ANKRD18B: variants seen among roughly 807,000 people sequenced by gnomAD.
ANKRD18B encodes ankyrin repeat domain-containing protein 18B.
ANKRD18B carries 75 observed loss-of-function variants against 111.8 expected under a neutral mutation model. That is an observed-to-expected ratio of 0.67 (90% CI 0.56 to 0.81). The LOEUF is 0.81. Among genes scored for constraint, ANKRD18B ranks in the 40% least tolerant of loss-of-function variants. ANKRD18B has a pLI of 0.00. For missense variants in ANKRD18B, 1,038 were observed against 1,225.5 expected, an observed-to-expected ratio of 0.85 and a Z score of 2.28; for synonymous variants, 356 against 417.3, an observed-to-expected ratio of 0.85 and a Z score of 1.79.
rs762044641 is a variant in ANKRD18B at position 33,566,309 on chromosome 9, T to C, written c.2551T>C (p.Ser851Pro). The C allele has an allele frequency of 1.3e-6, 2 of 1,562,460 alleles. No individual in the cohort carries two copies. The highest frequency in any genetic ancestry group is 1.9e-5 in the Admixed American group (1 of 53,130). Reference sequence around the variant, plus strand: ...TGAAGTTCTTCATCAGGAGTTATTATCTATGGGAAAAGTACAAGAGAAATG... The same window carrying C: ...TGAAGTTCTTCATCAGGAGTTATTACCTATGGGAAAAGTACAAGAGAAATG... ...DNEVLHQELL[S>P]MGKVQEKCEK... is the part of the protein sequence containing the mutation. Residue 851 changes from serine (S) to proline (P), a missense_variant, in exon 15 of 19, where the codon TCT becomes CCT. Physicochemically the swap from Ser to Pro is moderately conservative, Grantham distance 74. Around this residue, in one of 4 missense-constraint regions of ANKRD18B, gnomAD observed 524 missense variants for 677.9 expected, o/e 0.77. Transcript: ENST00000684830.
chr9:33,541,180 A>G lies in ANKRD18B; in HGVS notation c.1031A>G (p.Lys344Arg). The G allele has an allele frequency of 1.1e-5, 17 of 1,544,608 alleles. No homozygotes were observed. The highest frequency in any genetic ancestry group is 1.5e-5 in the Non-Finnish European group (17 of 1,144,824). The change falls in exon 9 of 19, where the codon AAA (lysine) becomes AGA (arginine). Residue 344 changes from lysine to arginine, a missense_variant. This residue lies in a region of ANKRD18B where 205 missense variants were observed against 201.3 expected (regional missense o/e 1.02). Coordinates refer to ENST00000684830, the MANE Select transcript of ANKRD18B (RefSeq NM_001393611.1). ...TAAMKPENLK[K>R]RKKRKKLKKR... ...GCTATGAAGCCTGAAAATTTGAAAA[A>G]AAGAAAAAAAAGAAAAAAATTGAAA...
chr9:33,567,626 T>C (rs1828707098), intron 16 of ANKRD18B, among the ~76,000 whole-genome samples: 1 of 152,218 alleles, frequency 6.6e-6, no homozygotes. Flanking sequence ...GATCTTGTTA[T>C]AAAATTACTT....
chr9:33,566,260 A>G lies in ANKRD18B; in HGVS notation c.2502A>G (p.Lys834=). 6.4e-7 allele frequency: 1 copy of G among 1,559,920 alleles called. No homozygotes were observed. Among genetic ancestry groups the G allele is most frequent in the Non-Finnish European group, 8.7e-7 (1 of 1,150,014 alleles). ...CCGAGAAGGAAGCTGTATCTTCAAA[A>G]TGTGTCAATTTGGCCAAAGACAATG... ...LMAEKEAVSS[K]CVNLAKDNEV... Residue 834 remains lysine (K), a synonymous_variant, in exon 15 of 19, where the codon AAA becomes AAG. Coordinates refer to ENST00000684830, the MANE Select transcript of ANKRD18B (RefSeq NM_001393611.1).
At chr9:33,531,263 A>C (rs1446083563) in intron 3 of ANKRD18B, among the ~76,000 whole-genome samples, 1 of 152,136 alleles carries the variant, frequency 6.6e-6, no homozygotes, top group African/African-American at 2.4e-5. Flanking sequence ...AGCAATTTTT[A>C]TTATGTATAT....
At chr9:33,560,253 T>A (rs1446708774) in intron 14 of ANKRD18B, among the ~76,000 whole-genome samples, 1 of 151,874 alleles carries the variant, frequency 6.6e-6, no homozygotes, top group African/African-American at 2.4e-5. Flanking sequence ...AAGAGAGGGG[T>A]CCTGCAAACA....
In ANKRD18B at chr9:33,534,419, C is replaced by A; in HGVS notation, c.652C>A (p.Leu218Ile). ...VQHNLSSIVT[L>I]LLQQNIHISS... ...GCATAACTTGTCAAGTATCGTCACCCTCCTGCTTCAACAAAATATACATAT... is the reference window on the plus strand; with the variant it reads ...GCATAACTTGTCAAGTATCGTCACCATCCTGCTTCAACAAAATATACATAT... Residue 218 changes from leucine (L) to isoleucine (I), a missense_variant, in exon 5 of 19, where the codon CTC (leucine) becomes ATC (isoleucine). This residue lies in a region of ANKRD18B where 93 missense variants were observed against 141.3 expected (regional missense o/e 0.66). Coordinates refer to ENST00000684830, the MANE Select transcript of ANKRD18B (RefSeq NM_001393611.1). 6.4e-7 allele frequency: 1 copy of A among 1,550,898 alleles called. No homozygotes were observed. Among genetic ancestry groups the A allele is most frequent in the Non-Finnish European group, 8.7e-7 (1 of 1,146,760 alleles).
At chr9:33,547,700 GT>G in intron 10 of ANKRD18B, among the ~76,000 whole-genome samples, 1 of 151,492 alleles carries the variant, frequency 6.6e-6, no homozygotes, top group East Asian at 1.9e-4. Flanking sequence ...GTGTGTGTGT[GT>G]GTGTGTGTGT....
intron 16 of ANKRD18B, among the ~76,000 whole-genome samples, chr9:33,568,335 A>ACCCTTTAAAGAT: frequency 6.6e-6 from 1 of 152,354 alleles, no homozygotes; most frequent in East Asian, 1.9e-4. Context: ...ATACAAGTAT[A>ACCCTTTAAAGAT]TCTAAAGGAA....
At chr9:33,540,580 A>G (rs1323917920) in intron 8 of ANKRD18B, among the ~76,000 whole-genome samples, 1 of 152,166 alleles carries the variant, frequency 6.6e-6, no homozygotes, top group Non-Finnish European at 1.5e-5. Context: ...AATTCATTGG[A>G]AAATTGTAAG....
chr9:33,550,783 T>C (rs1170517534), intron 12 of ANKRD18B, among the ~76,000 whole-genome samples: 1 of 152,214 alleles, frequency 6.6e-6, no homozygotes, highest in Non-Finnish European at 1.5e-5. Context: ...TTGCATATGT[T>C]TTCTCTTATA....
At position 33,548,526 on chromosome 9, in the gene ANKRD18B, C is replaced by T. The variant is rs1277390813; in HGVS notation, c.1738C>T (p.Leu580=). Reference sequence around the variant, plus strand: ...GACATTGGCTTTAGAAAGTGTACAGCTGGACCTAAAGCAAGCGCAGCATCG... The same window carrying T: ...GACATTGGCTTTAGAAAGTGTACAGTTGGACCTAAAGCAAGCGCAGCATCG... ...EKTLALESVQ[L]DLKQAQHRIK... is the part of the protein sequence containing the mutation. The change falls in exon 11 of 19, where the codon CTG becomes TTG. Residue 580 remains leucine, a synonymous_variant. Coordinates refer to ENST00000684830, the MANE Select transcript of ANKRD18B (RefSeq NM_001393611.1). The T allele has an allele frequency of 9.0e-6, 14 of 1,551,050 alleles. No individual in the cohort carries two copies. The highest frequency in any genetic ancestry group is 2.4e-5 in the South Asian group (2 of 83,938).
intron 1 of ANKRD18B, 32 bp downstream of exon 1, chr9:33,524,727 GC>G (rs1324076459): frequency 1.8e-5 from 28 of 1,536,988 alleles, no homozygotes; most frequent in Non-Finnish European, 2.2e-5. Context: ...GTGGGAGGGG[GC>G]CCCCAGGCCC....
chr9:33,532,069 C>T (rs1828125210), intron 3 of ANKRD18B, among the ~76,000 whole-genome samples: 1 of 152,050 alleles, frequency 6.6e-6, no homozygotes. Context: ...CCTAACTCTA[C>T]TAAAAATACA....
chr9:33,537,521 AG>A (rs1828219374), intron 6 of ANKRD18B, among the ~76,000 whole-genome samples: 2 of 152,196 alleles, frequency 1.3e-5, no homozygotes, highest in African/African-American at 4.8e-5. Flanking sequence ...AATATAAATA[AG>A]AAATTAGTTT....
At chr9:33,534,042 A>G (rs1360131964) in intron 4 of ANKRD18B, among the ~76,000 whole-genome samples, 6 of 152,066 alleles carry the variant, frequency 3.9e-5, no homozygotes, top group Non-Finnish European at 7.4e-5. Context: ...CAATGGGAAA[A>G]TCTTCACCTA....
Position 33,562,330 on chromosome 9 carries a change from T to G in ANKRD18B, c.2461-3889T>G, listed in dbSNP as rs1284239984. Reference sequence around the variant, plus strand: ...ATCAAGTGAAGTCATCATCTTTCAGTTCACAGATCCTCTTTCCACCTGGCA... The same window carrying G: ...ATCAAGTGAAGTCATCATCTTTCAGGTCACAGATCCTCTTTCCACCTGGCA... On this transcript the variant is annotated intron_variant, in intron 14 of 18. Transcript: ENST00000684830. Among the ~76,000 whole-genome samples, 8 of 151,670 alleles carry G rather than the reference T, an allele frequency of 5.3e-5. No homozygotes were observed. The East Asian group carries it at 1.5e-3, about 29-fold the overall frequency.
intron 15 of ANKRD18B, 21 bp downstream of exon 15, chr9:33,566,521 A>T: frequency 6.3e-7 from 1 of 1,598,774 alleles, no homozygotes; most frequent in Non-Finnish European, 8.5e-7. Context: ...AAAATCAGGT[A>T]AGTTTATCTG....
intron 14 of ANKRD18B, among the ~76,000 whole-genome samples, chr9:33,561,366 C>A (rs1036172704): frequency 6.6e-6 from 1 of 152,156 alleles, no homozygotes; most frequent in African/African-American, 2.4e-5. Flanking sequence ...AAATTCTTTG[C>A]CCATTTGTTA....
intron 11 of ANKRD18B, 80 bp from the exon 12 acceptor site, chr9:33,550,350 G>C: frequency 7.4e-7 from 1 of 1,351,258 alleles, no homozygotes; most frequent in Non-Finnish European, 9.8e-7. Context: ...AATTTTCAAA[G>C]TATGTATGCT....
Sources: allele counts gnomAD v4.1 joint callset (sites outside exome capture counted in the v4.1 genomes callset), GRCh38; gene constraint gnomAD v4.1.1; regional missense constraint gnomAD v4.1.1; transcripts MANE v1.5; gene names NCBI Gene and HGNC (gene_info 2026-07-23, HGNC 2026-07-21).